The following RORA variants were observed in gnomAD, a reference collection of about 807,000 sequenced individuals.
RORA encodes RAR related orphan receptor A.
A neutral mutation model predicts 69.5 loss-of-function variants in RORA; 7 were observed. The observed-to-expected ratio is 0.10, with a 90% confidence interval of 0.06 to 0.19. The LOEUF (loss-of-function observed/expected upper bound fraction) is 0.19. Among genes scored for constraint, RORA ranks in the 10% least tolerant of loss-of-function variants. RORA has a pLI of 1.00. For missense variants in RORA, 457 were observed against 663.0 expected (o/e 0.69, Z 3.41); for synonymous variants, 261 against 240.8 (o/e 1.08, Z -0.78).
intron 1 of RORA, among the ~76,000 whole-genome samples, chr15:60,941,329 C>T (rs1295990210): frequency 2.0e-5 from 3 of 152,230 alleles, no homozygotes; most frequent in Non-Finnish European, 4.4e-5. Context: ...GTTGTTAAAG[C>T]TTCAAAATGA....
chr15:60,668,308 C>G (rs527778338), intron 2 of RORA, among the ~76,000 whole-genome samples: 1 of 152,278 alleles, frequency 6.6e-6, no homozygotes, highest in Non-Finnish European at 1.5e-5. Flanking sequence ...AAATCAAGAG[C>G]AAGAGTGGTA....
intron 1 of RORA, among the ~76,000 whole-genome samples, chr15:60,953,803 A>G (rs1287392500): frequency 6.6e-6 from 1 of 151,466 alleles, no homozygotes; most frequent in Non-Finnish European, 1.5e-5. Flanking sequence ...CAGGTGCTGG[A>G]GAGGATGTGG....
intron 1 of RORA, among the ~76,000 whole-genome samples, chr15:60,759,045 A>C (rs940396518): frequency 6.6e-6 from 1 of 152,200 alleles, no homozygotes; most frequent in African/African-American, 2.4e-5. Context: ...TCCTTGCTAC[A>C]CCTTGATTCA....
At chr15:60,575,820 C>T (rs1415858016) in intron 2 of RORA, among the ~76,000 whole-genome samples, 2 of 152,222 alleles carry the variant, frequency 1.3e-5, no homozygotes, top group South Asian at 2.1e-4. Flanking sequence ...AATGCCTAAA[C>T]ATGAGCCATT....
chr15:61,152,528 G>C (rs1222048834), intron 1 of RORA, among the ~76,000 whole-genome samples: 2 of 150,990 alleles, frequency 1.3e-5, no homozygotes, highest in African/African-American at 4.9e-5. Context: ...GTTAAATATA[G>C]TTCAAATCTA....
rs533538154 is a variant in RORA at position 60,921,774 on chromosome 15, C to A, written c.167-243088G>T. 9.9e-5 allele frequency among the ~76,000 whole-genome samples: 15 copies of A among 152,270 alleles called. No homozygotes were observed. In the South Asian group the frequency reaches 3.1e-3, roughly 32 times the overall value. ...CTTTACGCTACATCTTCCTCATCTGCGAAACCAGCATAATACAGTTCACTA... is the reference window on the plus strand; with the variant it reads ...CTTTACGCTACATCTTCCTCATCTGAGAAACCAGCATAATACAGTTCACTA... On this transcript the variant is annotated intron_variant, in intron 1 of 10. Transcript: ENST00000335670.
intron 1 of RORA, among the ~76,000 whole-genome samples, chr15:60,797,394 C>T (rs2072513553): frequency 1.3e-5 from 2 of 152,290 alleles, no homozygotes; most frequent in South Asian, 4.1e-4. Context: ...ATCTTTGCTG[C>T]ACTGTGTGTG....
chr15:60,827,502 G>A (rs2072981540), intron 1 of RORA, among the ~76,000 whole-genome samples: 2 of 152,206 alleles, frequency 1.3e-5, no homozygotes. Context: ...GAAAAAATAT[G>A]TTTTATAACC....
chr15:61,021,500 G>A (rs1422431504), intron 1 of RORA, among the ~76,000 whole-genome samples: 1 of 152,134 alleles, frequency 6.6e-6, no homozygotes, highest in Non-Finnish European at 1.5e-5. Context: ...TGAGGCAAGA[G>A]GATTATTCTA....
chr15:61,112,216 AAAAT>A (rs1286876953), intron 1 of RORA, among the ~76,000 whole-genome samples: 1 of 152,216 alleles, frequency 6.6e-6, no homozygotes, highest in Non-Finnish European at 1.5e-5. Context: ...CTAATAATAA[AAAAT>A]GGAGCTTGCA....
At chr15:60,725,673 T>C (rs966584113) in intron 1 of RORA, among the ~76,000 whole-genome samples, 3 of 152,228 alleles carry the variant, frequency 2.0e-5, no homozygotes, top group Non-Finnish European at 4.4e-5. Context: ...TTTTTGTTCT[T>C]TTTTGTACCC....
intron 1 of RORA, among the ~76,000 whole-genome samples, chr15:60,799,287 C>T (rs1341007470): frequency 6.6e-6 from 1 of 152,198 alleles, no homozygotes. Flanking sequence ...CCGCTATAAA[C>T]CAACAGTGAT....
chr15:60,732,097 A>C (rs993933994), intron 1 of RORA, among the ~76,000 whole-genome samples: 2 of 152,232 alleles, frequency 1.3e-5, no homozygotes, highest in Non-Finnish European at 2.9e-5. Context: ...TGCTGGGTAC[A>C]CAGAGTTTTC....
rs576672572 is a variant in RORA, at chr15:61,051,670, C to A, written c.166+177383G>T. Among the ~76,000 whole-genome samples, 3 of 152,312 alleles carry A rather than the reference C, an allele frequency of 2.0e-5. No homozygotes were observed. The East Asian group carries it at 5.8e-4, about 29-fold the overall frequency. ...ACCTAGTGATGCTTGCCTGTACTGT[C>A]TGCATCCCAGAGAGTGGGAGAGGCT... On this transcript the variant is annotated intron_variant, in intron 1 of 10. Coordinates refer to ENST00000335670, the MANE Select transcript of RORA (RefSeq NM_134261.3).
At chr15:61,091,600 C>T (rs1161200386) in intron 1 of RORA, among the ~76,000 whole-genome samples, 2 of 152,176 alleles carry the variant, frequency 1.3e-5, no homozygotes, top group Non-Finnish European at 2.9e-5. Context: ...ATTATTCCAC[C>T]CGACTTCCTC....
intron 1 of RORA, among the ~76,000 whole-genome samples, chr15:61,168,450 G>T (rs2079557131): frequency 6.6e-6 from 1 of 151,950 alleles, no homozygotes; most frequent in South Asian, 2.1e-4. Flanking sequence ...GTAGAGACAG[G>T]GTTTCGCCAT....
chr15:60,601,734 T>C (rs34720298), intron 2 of RORA, among the ~76,000 whole-genome samples: 11,843 of 152,242 alleles, frequency 0.078, 617 homozygotes, highest in Non-Finnish European at 0.12. Flanking sequence ...CAAATGGCTT[T>C]GATAGCTTAA....
At chr15:60,873,099 C>T (rs561030126) in intron 1 of RORA, among the ~76,000 whole-genome samples, 1 of 152,236 alleles carries the variant, frequency 6.6e-6, no homozygotes, top group East Asian at 1.9e-4. Flanking sequence ...CCAGTCTCAG[C>T]TGGTGCCCAG....
intron 2 of RORA, chr15:60,546,556 T>TA (rs1474696665): frequency 6.6e-6 from 1 of 152,108 alleles, no homozygotes; most frequent in African/African-American, 2.4e-5. Context: ...TCATAAACCT[T>TA]AAAAAAATGG....
Sources: gnomAD v4.1 joint callset for allele counts (sites outside exome capture counted in the v4.1 genomes callset) on GRCh38, gnomAD v4.1.1 for gene constraint, MANE v1.5 for transcripts, NCBI Gene and HGNC (gene_info 2026-07-23, HGNC 2026-07-21) for gene names.